The following RPSA2 variants were observed in gnomAD, a reference collection of about 807,000 sequenced individuals.
RPSA2 encodes ribosomal protein SA 2, also known as small ribosomal subunit protein uS2B.
chr19:23,863,721 C>A, the RPSA2 span, among the ~76,000 whole-genome samples: 4 of 152,166 alleles, frequency 2.6e-5, no homozygotes, highest in Non-Finnish European at 5.9e-5. Context: ...TAGAGACAAG[C>A]TGGACATATG....
chr19:23,856,498 C>T, the RPSA2 span, among the ~76,000 whole-genome samples: 1 of 152,240 alleles, frequency 6.6e-6, no homozygotes, highest in Non-Finnish European at 1.5e-5. Flanking sequence ...ACAGACAACT[C>T]ACCAATCATC....
the RPSA2 span, chr19:23,827,780 C>T: frequency 2.5e-6 from 4 of 1,586,670 alleles, no homozygotes; most frequent in South Asian, 2.2e-5. Flanking sequence ...CTACAGAGAT[C>T]CTGAAGAGAT....
At chr19:23,771,399 T>C in the RPSA2 span, among the ~76,000 whole-genome samples, 1 of 152,218 alleles carries the variant, frequency 6.6e-6, no homozygotes, top group Non-Finnish European at 1.5e-5. Context: ...ATCCAGACCG[T>C]CATTGAGACT....
chr19:23,838,018 TC>T, the RPSA2 span, among the ~76,000 whole-genome samples: 1 of 152,170 alleles, frequency 6.6e-6, no homozygotes, highest in Admixed American at 6.5e-5. Flanking sequence ...CTTGTCTTGT[TC>T]CCATTTTCAG....
chr19:23,824,892 AT>A, the RPSA2 span, among the ~76,000 whole-genome samples: 1 of 149,746 alleles, frequency 6.7e-6, no homozygotes, highest in African/African-American at 2.5e-5. Context: ...TAACCTCTGT[AT>A]TTTTTTTCTT....
chr19:23,828,265 G>C, the RPSA2 span, among the ~76,000 whole-genome samples: 1 of 145,440 alleles, frequency 6.9e-6, no homozygotes, highest in Non-Finnish European at 1.5e-5. Context: ...TGTTTAATTT[G>C]GTAGCTTTGT....
At chr19:23,843,252 A>G in the RPSA2 span, 8 of 240,804 alleles carry the variant, frequency 3.3e-5, no homozygotes, top group East Asian at 2.2e-4. Context: ...GTAAAGAGAC[A>G]TGAGACAGTG....
At chr19:23,791,907 T>G in the RPSA2 span, among the ~76,000 whole-genome samples, 2 of 151,974 alleles carry the variant, frequency 1.3e-5, no homozygotes, top group Admixed American at 1.3e-4. Context: ...ACCTGGCTAA[T>G]TTTTGGGTTT....
chr19:23,848,262 G>T, the RPSA2 span, among the ~76,000 whole-genome samples: 1 of 152,244 alleles, frequency 6.6e-6, no homozygotes, highest in South Asian at 2.1e-4. Flanking sequence ...CCCTCCGTTT[G>T]GGGTCCCTGA....
At chr19:23,804,649 G>A in the RPSA2 span, among the ~76,000 whole-genome samples, 2 of 151,944 alleles carry the variant, frequency 1.3e-5, no homozygotes, top group Non-Finnish European at 2.9e-5. Flanking sequence ...AGCGACATCA[G>A]CACTGACAGG....
chr19:23,776,687 T>A, the RPSA2 span, among the ~76,000 whole-genome samples: 1 of 152,174 alleles, frequency 6.6e-6, no homozygotes, highest in Non-Finnish European at 1.5e-5. Flanking sequence ...TATGACTCTT[T>A]TAGGCTCCAC....
At chr19:23,764,008 A>G in the RPSA2 span, among the ~76,000 whole-genome samples, 1 of 152,188 alleles carries the variant, frequency 6.6e-6, no homozygotes. Context: ...TCAGAGGTTA[A>G]TTGCAGGTTT....
At chr19:23,849,436 T>C in the RPSA2 span, among the ~76,000 whole-genome samples, 1 of 152,084 alleles carries the variant, frequency 6.6e-6, no homozygotes, top group Non-Finnish European at 1.5e-5. Flanking sequence ...GGATTTATCA[T>C]GGGGTTCAGA....
chr19:23,864,840 C>T, the RPSA2 span, among the ~76,000 whole-genome samples: 1,766 of 151,980 alleles, frequency 0.012, 35 homozygotes, highest in African/African-American at 0.04. Context: ...TCAAAGAATG[C>T]TGTCATGCAG....
chr19:23,859,244 T>G, the RPSA2 span, among the ~76,000 whole-genome samples: 1 of 152,190 alleles, frequency 6.6e-6, no homozygotes, highest in Non-Finnish European at 1.5e-5. Flanking sequence ...AAACATGACA[T>G]CAAATTATAC....
the RPSA2 span, among the ~76,000 whole-genome samples, chr19:23,777,737 C>T: frequency 1.3e-5 from 2 of 152,154 alleles, no homozygotes; most frequent in Non-Finnish European, 2.9e-5. Context: ...CCCACAAGAA[C>T]ATTGTGACAT....
At chr19:23,761,901 A>ATCCCTTCCTTCC in the RPSA2 span, among the ~76,000 whole-genome samples, 8 of 34,012 alleles carry the variant, frequency 2.4e-4, no homozygotes, top group African/African-American at 5.7e-4. Flanking sequence ...GGGTAACGTA[A>ATCCCTTCCTTCC]TTCTTTCTTT....
chr19:23,813,730 CTTTTT>C, the RPSA2 span, among the ~76,000 whole-genome samples: 1 of 136,790 alleles, frequency 7.3e-6, no homozygotes, highest in Non-Finnish European at 1.5e-5. Flanking sequence ...ACACGGGTTT[CTTTTT>C]TTTTTGAGAC....
chr19:23,780,239 C>A, the RPSA2 span, among the ~76,000 whole-genome samples: 1 of 152,122 alleles, frequency 6.6e-6, no homozygotes, highest in Admixed American at 6.6e-5. Flanking sequence ...GCAGACAGAT[C>A]ATGTTTCATG....
Sources: allele counts gnomAD v4.1 joint callset (sites outside exome capture counted in the v4.1 genomes callset), GRCh38; gene constraint gnomAD v4.1.1; transcripts MANE v1.5; gene names NCBI Gene and HGNC (gene_info 2026-07-23, HGNC 2026-07-21).